Variants in CWC25 observed in about 807,000 individuals in gnomAD.
CWC25 encodes the protein pre-mRNA-splicing factor CWC25 homolog.
In CWC25, 31 loss-of-function variants were observed where a neutral mutation model predicts 54.6. That is an observed-to-expected ratio of 0.57 (90% CI 0.43 to 0.77). CWC25 has a LOEUF of 0.77. Among genes scored for constraint, CWC25 ranks in the 30% least tolerant of loss-of-function variants. The pLI, the probability that CWC25 is intolerant of heterozygous loss-of-function variation, is 0.00. For missense variants in CWC25, 453 were observed against 529.3 expected (o/e 0.86, Z 1.41); for synonymous variants, 151 against 187.0 (o/e 0.81, Z 1.57).
intron 2 of CWC25, among the ~76,000 whole-genome samples, chr17:38,816,865 T>C (rs920910425): frequency 3.3e-5 from 5 of 151,350 alleles, no homozygotes; most frequent in African/African-American, 1.2e-4. Context: ...TTTGTACTTT[T>C]AGTAAAGACG....
intron 5 of CWC25, chr17:38,810,256 T>C (rs1340149569): frequency 1.8e-6 from 1 of 568,828 alleles, no homozygotes; most frequent in Admixed American, 3.5e-5. Context: ...TCCAGCAGCA[T>C]GGCCAAGATA....
At chr17:38,820,354 T>C (rs1294749693) in intron 2 of CWC25, among the ~76,000 whole-genome samples, 1 of 152,232 alleles carries the variant, frequency 6.6e-6, no homozygotes, top group Non-Finnish European at 1.5e-5. Flanking sequence ...GGGGTAGTTA[T>C]TATCTGCTAC....
intron 2 of CWC25, chr17:38,815,758 G>A: frequency 9.6e-7 from 1 of 1,042,706 alleles, no homozygotes; most frequent in Non-Finnish European, 1.3e-6. Context: ...CAATGAATAA[G>A]CACATTCTAC....
chr17:38,815,748 C>T (rs1911671070), intron 2 of CWC25: 1 of 1,150,292 alleles, frequency 8.7e-7, no homozygotes, highest in Non-Finnish European at 1.1e-6. Context: ...TGACCTAAAA[C>T]AATGAATAAG....
chr17:38,819,571 CGT>C (rs1025235537), intron 2 of CWC25, among the ~76,000 whole-genome samples: 1 of 151,054 alleles, frequency 6.6e-6, no homozygotes, highest in African/African-American at 2.4e-5. Context: ...GGGGTTTCAC[CGT>C]GTTGGCCAGG....
chr17:38,810,018 C>A (rs1294015428), intron 5 of CWC25, among the ~76,000 whole-genome samples: 2 of 152,148 alleles, frequency 1.3e-5, no homozygotes, highest in Admixed American at 1.3e-4. Context: ...TCACTTCATG[C>A]TGCTATTCCA....
rs778410092 is a variant in CWC25, at chr17:38,821,010, G to T, written c.82C>A (p.Gln28Lys). ...RNVEKVWKAE[Q>K]KHEAERKKIE... ...TTCTTCCGCTCAGCCTCATGCTTCT[G>T]CTCGGCCTTCCACACTTTCTCCACA... is the stretch of plus-strand genomic sequence containing the variant. The change falls in exon 2 of 10, where the codon CAG (glutamine) becomes AAG (lysine). Residue 28 changes from glutamine (Q) to lysine (K), a missense_variant. Around this residue, in one of 2 missense-constraint regions of CWC25, gnomAD observed 444 missense variants for 499.2 expected, o/e 0.89. Transcript: ENST00000614790. 6.2e-7 allele frequency: 1 copy of T among 1,613,900 alleles called. No individual in the cohort carries two copies. The highest frequency in any genetic ancestry group is 1.1e-5 in the South Asian group (1 of 91,084).
At position 38,806,870 on chromosome 17, in the gene CWC25, G is replaced by A; in HGVS notation, c.797C>T (p.Ser266Leu). The A allele has an allele frequency of 6.2e-7, 1 of 1,613,904 alleles. No homozygotes were observed. Among genetic ancestry groups the A allele is most frequent in the Non-Finnish European group, 8.5e-7 (1 of 1,179,866 alleles). Residue 266 changes from serine (S) to leucine (L), a missense_variant, in exon 7 of 10, where the codon TCA becomes TTA. Around this residue, in one of 2 missense-constraint regions of CWC25, gnomAD observed 444 missense variants for 499.2 expected, o/e 0.89. Transcript: ENST00000614790. ...CTTCTTGCTGGCATGTCTTGGGGGT[G>A]AGTGGGAGGAGCTTCTGGATCTGGA... ...NHSRSRSSSH[S>L]PPRHASKKST...
At position 38,815,756 on chromosome 17, in the gene CWC25, A is replaced by G. The variant is rs1389131243; in HGVS notation, c.192-659T>C. 2.8e-6 allele frequency: 3 copies of G among 1,064,512 alleles called. No individual in the cohort carries two copies. In the South Asian group the frequency reaches 4.3e-5, roughly 15 times the overall value. 65.9% of individuals were successfully genotyped at this position (1,064,512 alleles called of 1,614,324 possible). On this transcript the variant is annotated intron_variant, in intron 2 of 9. Coordinates refer to ENST00000614790, the MANE Select transcript of CWC25 (RefSeq NM_017748.5). ...TCCAAGATGACCTAAAACAATGAAT[A>G]AGCACATTCTACATCACCATCTTAC... is the stretch of plus-strand genomic sequence containing the variant.
At chr17:38,808,055 C>CAAAAAAAAAAA (rs61226105) in intron 6 of CWC25, among the ~76,000 whole-genome samples, 1 of 52,752 alleles carries the variant, frequency 1.9e-5, no homozygotes. Context: ...GACTCCATCT[C>CAAAAAAAAAAA]AAAAAAAAAA....
chr17:38,804,792 A>C (rs1366468537), intron 8 of CWC25, among the ~76,000 whole-genome samples: 3 of 103,844 alleles, frequency 2.9e-5, no homozygotes, highest in African/African-American at 1.3e-4. Context: ...TGGGCGACAG[A>C]GCGAGACAAA....
Position 38,801,459 on chromosome 17 carries a change from CCAAA to C in CWC25, c.*629_*632del, listed in dbSNP as rs1911023294. 1 of 152,122 alleles carries C rather than the reference CCAAA, an allele frequency of 6.6e-6. No individual in the cohort carries two copies. Among genetic ancestry groups the C allele is most frequent in the Non-Finnish European group, 1.5e-5 (1 of 68,032 alleles). The allele number at this position is 152,122 out of a possible 1,614,324, so 9.4% of individuals were successfully genotyped here. ...TTCTATTACCCAGTAAAGTCATTGACCAAACAAGGTATTTTCACAAAGCTAACCT... is the reference window on the plus strand; with the variant it reads ...TTCTATTACCCAGTAAAGTCATTGACCAAGGTATTTTCACAAAGCTAACCT... On this transcript the variant is annotated 3_prime_UTR_variant, in exon 10 of 10. Coordinates refer to ENST00000614790, the MANE Select transcript of CWC25 (RefSeq NM_017748.5).
chr17:38,812,032 G>T (rs898752586), intron 4 of CWC25, among the ~76,000 whole-genome samples: 1 of 151,598 alleles, frequency 6.6e-6, no homozygotes, highest in African/African-American at 2.4e-5. Context: ...TCCATCTCCC[G>T]GGTTCAAGCA....
chr17:38,803,016 CAGG>C lies in CWC25; in HGVS notation c.1002-158_1002-156del, dbSNP rs774676739. Among the ~76,000 whole-genome samples the C allele has an allele frequency of 3.8e-4, 58 of 152,298 alleles. No homozygotes were observed. The Middle Eastern group carries it at 0.02, about 54-fold the overall frequency. On this transcript the variant is annotated intron_variant, in intron 8 of 9. Transcript: ENST00000614790. ...CTGAGTTCCCTTCTAACGTCCTGGT[CAGG>C]AGGTTTCATCCAAATTTCAAAGGCT... is the stretch of plus-strand genomic sequence containing the variant.
At position 38,805,038 on chromosome 17, in the gene CWC25, C is replaced by T. The variant is rs967503022; in HGVS notation, c.1001+1259G>A. ...AGGAGAATCACTTGGGCCCAGGAGG[C>T]GGAAGTTGTGGTGAGCCGAGATTGG... is the stretch of plus-strand genomic sequence containing the variant. On this transcript the variant is annotated intron_variant, in intron 8 of 9. Coordinates refer to ENST00000614790, the MANE Select transcript of CWC25 (RefSeq NM_017748.5). Among the ~76,000 whole-genome samples, 7 of 150,604 alleles carry T rather than the reference C, an allele frequency of 4.6e-5. No individual in the cohort carries two copies. In the East Asian group the frequency reaches 1.2e-3, roughly 25 times the overall value.
intron 6 of CWC25, among the ~76,000 whole-genome samples, chr17:38,809,248 C>T (rs1465401231): frequency 1.3e-5 from 2 of 150,926 alleles, no homozygotes; most frequent in Non-Finnish European, 3.0e-5. Flanking sequence ...GCCAACATGA[C>T]GAAACCCTGT....
rs57710053 is a variant in CWC25 at position 38,807,322 on chromosome 17, C to CAAAAAA, written c.691-352_691-347dup. 5.3e-5 allele frequency among the ~76,000 whole-genome samples: 3 copies of CAAAAAA among 56,548 alleles called. 1 individual carries two copies. Among genetic ancestry groups the CAAAAAA allele is most frequent in the African/African-American group, 1.3e-4 (2 of 15,672 alleles). The allele number at this position is 56,548 out of a possible 152,430, so 37.1% of individuals were successfully genotyped here. On this transcript the variant is annotated intron_variant, in intron 6 of 9. Coordinates refer to ENST00000614790, the MANE Select transcript of CWC25 (RefSeq NM_017748.5). Reference sequence around the variant, plus strand: ...TGGATGACAGAGCGAGACTCCGTCTCAAAAAAAAAAAAAAAAAAAAGAAAA... The same window carrying CAAAAAA: ...TGGATGACAGAGCGAGACTCCGTCTCAAAAAAAAAAAAAAAAAAAAAAAAAAGAAAA...
chr17:38,821,165 A>G, intron 1 of CWC25, 92 bp from the exon 2 acceptor site: 1 of 1,322,298 alleles, frequency 7.6e-7, no homozygotes, highest in Admixed American at 2.4e-5. Flanking sequence ...TCCATACCCA[A>G]GGCAGGCGTG....
In CWC25 at chr17:38,819,515, T is replaced by C. The variant is rs557886626; in HGVS notation, c.191+1386A>G. ...CCGAGTAGCTAGGACTACAAATGCA[T>C]GCTACCACGCCCAGTTAATTTTTTT... On this transcript the variant is annotated intron_variant, in intron 2 of 9. Coordinates refer to ENST00000614790, the MANE Select transcript of CWC25 (RefSeq NM_017748.5). Among the ~76,000 whole-genome samples, 26 of 151,730 alleles carry C rather than the reference T, an allele frequency of 1.7e-4. No individual in the cohort carries two copies. The South Asian group carries it at 3.7e-3, about 22-fold the overall frequency.
Sources: allele counts gnomAD v4.1 joint callset (sites outside exome capture counted in the v4.1 genomes callset), GRCh38; gene constraint gnomAD v4.1.1; regional missense constraint gnomAD v4.1.1; transcripts MANE v1.5; gene names NCBI Gene and HGNC (gene_info 2026-07-23, HGNC 2026-07-21).